NCAM2: variants seen among roughly 807,000 people sequenced by gnomAD.
NCAM2 encodes the protein N-CAM-2.
In NCAM2, 30 loss-of-function variants were observed where a neutral mutation model predicts 98.1. That is an observed-to-expected ratio of 0.31 (90% CI 0.23 to 0.41). The LOEUF is 0.41. Among genes scored for constraint, NCAM2 ranks in the 10% least tolerant of loss-of-function variants. NCAM2 has a pLI of 1.00. For missense variants in NCAM2, 867 were observed against 1,005.8 expected, an observed-to-expected ratio of 0.86 and a Z score of 1.87; for synonymous variants, 368 against 342.4, an observed-to-expected ratio of 1.07 and a Z score of -0.83.
chr21:21,312,197 G>T (rs907028952), intron 5 of NCAM2, among the ~76,000 whole-genome samples: 6 of 152,010 alleles, frequency 3.9e-5, no homozygotes, highest in African/African-American at 1.4e-4. Context: ...TTTGCTCAGA[G>T]ATTTTATCAT....
rs956160553 is a variant in NCAM2, at chr21:21,486,228, C to T, written c.2077+8757C>T. Among the ~76,000 whole-genome samples the T allele has an allele frequency of 6.9e-5, 9 of 130,818 alleles. No homozygotes were observed. In the Admixed American group the frequency reaches 8.3e-4, roughly 12 times the overall value. 85.8% of individuals were successfully genotyped at this position (130,818 alleles called of 152,430 possible). Reference sequence around the variant, plus strand: ...CTGAGGCAGGAGCATGGCGTGAACCCGGGAGGCGGAGCTTGCAGTGAGCCG... The same window carrying T: ...CTGAGGCAGGAGCATGGCGTGAACCTGGGAGGCGGAGCTTGCAGTGAGCCG... On this transcript the variant is annotated intron_variant, in intron 15 of 17. Coordinates refer to ENST00000400546, the MANE Select transcript of NCAM2 (RefSeq NM_004540.5).
At chr21:21,203,269 T>A (rs1275057475) in intron 1 of NCAM2, among the ~76,000 whole-genome samples, 3 of 152,230 alleles carry the variant, frequency 2.0e-5, no homozygotes, top group African/African-American at 7.2e-5. Context: ...TGCTTTGTCT[T>A]GTTTTCTTGC....
intron 12 of NCAM2, among the ~76,000 whole-genome samples, chr21:21,433,760 T>TAAAATAAAATAAAATAAAATA (rs1231359565): frequency 4.4e-5 from 6 of 135,918 alleles, no homozygotes; most frequent in Non-Finnish European, 9.5e-5. Context: ...TAAAATAAAA[T>TAAAATAAAATAAAATAAAATA]AAAATAAAAT....
Position 21,232,052 on chromosome 21 carries a change from T to A in NCAM2, c.56-48526T>A, listed in dbSNP as rs565777865. ...ACCACCCCTTCACATTCCACCTCAC[T>A]CTTAAAGATAATTTTAAATCCTTTC... is the stretch of plus-strand genomic sequence containing the variant. On this transcript the variant is annotated intron_variant, in intron 1 of 17. Transcript: ENST00000400546. Among the ~76,000 whole-genome samples the A allele has an allele frequency of 4.1e-4, 62 of 151,466 alleles. No homozygotes were observed. In the South Asian group the frequency reaches 0.012, roughly 30 times the overall value.
chr21:21,061,175 A>G (rs9680272), intron 1 of NCAM2, among the ~76,000 whole-genome samples: 9,253 of 152,210 alleles, frequency 0.061, 668 homozygotes, highest in African/African-American at 0.17. Context: ...GCATCAATCC[A>G]CATCATCTGC....
chr21:21,033,364 A>G (rs1052899988), intron 1 of NCAM2, among the ~76,000 whole-genome samples: 13 of 152,214 alleles, frequency 8.5e-5, no homozygotes, highest in African/African-American at 2.9e-4. Context: ...ATTTAAGTCT[A>G]TAAAACAAAC....
intron 16 of NCAM2, among the ~76,000 whole-genome samples, chr21:21,530,823 G>T (rs1989651818): frequency 6.6e-6 from 1 of 151,296 alleles, no homozygotes; most frequent in African/African-American, 2.4e-5. Context: ...TATAAATTTT[G>T]TAAATATACA....
Position 21,003,605 on chromosome 21 carries a change from G to C in NCAM2, c.55+4987G>C, listed in dbSNP as rs550835200. ...CCAAATGTCAACCCTACTATGCTAG[G>C]CTTTGTTTATATTTTTTAATAATGT... On this transcript the variant is annotated intron_variant, in intron 1 of 17. Transcript: ENST00000400546. Among the ~76,000 whole-genome samples the C allele has an allele frequency of 1.4e-3, 216 of 150,922 alleles. 1 individual carries two copies. Among genetic ancestry groups the C allele is most frequent in the African/African-American group, 5.1e-3 (207 of 40,360 alleles).
intron 1 of NCAM2, among the ~76,000 whole-genome samples, chr21:21,238,788 A>G (rs908463284): frequency 6.6e-6 from 1 of 152,146 alleles, no homozygotes; most frequent in East Asian, 1.9e-4. Flanking sequence ...CTACCGACAT[A>G]ATCAACTAGA....
At chr21:21,311,287 C>T (rs1204410739) in intron 5 of NCAM2, among the ~76,000 whole-genome samples, 2 of 150,056 alleles carry the variant, frequency 1.3e-5, no homozygotes, top group Non-Finnish European at 1.5e-5. Flanking sequence ...AATGAATGAA[C>T]GAATAACAAA....
chr21:21,498,742 C>G (rs547855476), intron 15 of NCAM2, among the ~76,000 whole-genome samples: 4 of 152,080 alleles, frequency 2.6e-5, no homozygotes, highest in African/African-American at 9.7e-5. Context: ...GATTTTGATT[C>G]ACTTTGTAAC....
intron 12 of NCAM2, among the ~76,000 whole-genome samples, chr21:21,453,284 T>C (rs1282749793): frequency 6.6e-6 from 1 of 151,184 alleles, no homozygotes; most frequent in Non-Finnish European, 1.5e-5. Flanking sequence ...GCAGGGTCTG[T>C]GATGTTTAAG....
At chr21:21,196,400 G>A (rs911791551) in intron 1 of NCAM2, among the ~76,000 whole-genome samples, 8 of 152,174 alleles carry the variant, frequency 5.3e-5, no homozygotes, top group East Asian at 1.9e-4. Context: ...AACCTGTTGG[G>A]CCTTCATTTT....
chr21:21,516,858 AT>A, intron 16 of NCAM2, among the ~76,000 whole-genome samples: 1 of 152,292 alleles, frequency 6.6e-6, no homozygotes, highest in South Asian at 2.1e-4. Flanking sequence ...ACATTCTACC[AT>A]CCCCTTCCAA....
intron 12 of NCAM2, among the ~76,000 whole-genome samples, chr21:21,451,669 G>C (rs1252470934): frequency 6.6e-6 from 1 of 152,026 alleles, no homozygotes; most frequent in Admixed American, 6.6e-5. Flanking sequence ...TAACATTAAA[G>C]ACAAAAGGGA....
intron 4 of NCAM2, among the ~76,000 whole-genome samples, chr21:21,286,763 A>G (rs987035789): frequency 6.6e-6 from 1 of 151,898 alleles, no homozygotes; most frequent in Non-Finnish European, 1.5e-5. Flanking sequence ...AATCATTAGT[A>G]CCTGGAGATT....
At chr21:21,421,706 T>G (rs902201616) in intron 11 of NCAM2, among the ~76,000 whole-genome samples, 1 of 152,162 alleles carries the variant, frequency 6.6e-6, no homozygotes, top group African/African-American at 2.4e-5. Flanking sequence ...TTTCCTAATA[T>G]ATGAGGATAC....
intron 14 of NCAM2, among the ~76,000 whole-genome samples, chr21:21,473,880 A>G (rs1222897183): frequency 6.9e-6 from 1 of 145,294 alleles, no homozygotes; most frequent in African/African-American, 2.6e-5. Context: ...CTGAATTGCC[A>G]TATGGCCCTG....
chr21:21,220,004 T>G (rs1403845455), intron 1 of NCAM2, among the ~76,000 whole-genome samples: 2 of 152,064 alleles, frequency 1.3e-5, no homozygotes, highest in African/African-American at 2.4e-5. Flanking sequence ...AAGAAAGCAT[T>G]TATGTACAGC....
Sources: gnomAD v4.1 joint callset for allele counts (sites outside exome capture counted in the v4.1 genomes callset) on GRCh38, gnomAD v4.1.1 for gene constraint, MANE v1.5 for transcripts, NCBI Gene and HGNC (gene_info 2026-07-23, HGNC 2026-07-21) for gene names.